Variants in UGGT1 observed in about 807,000 individuals in gnomAD.
The protein encoded by UGGT1 is UDP-glucose:glycoprotein glucosyltransferase 1.
Under a neutral mutation model 203.9 loss-of-function variants are expected in UGGT1, and 107 were observed. The observed-to-expected ratio is 0.52, with a 90% CI of 0.45 to 0.62. The LOEUF is 0.62. UGGT1 is among the 20% of genes least tolerant of loss of function. UGGT1 has a pLI of 0.00. For synonymous variants in UGGT1, 628 were observed against 653.5 expected (o/e 0.96, Z 0.59); for missense variants, 1,673 against 1,867.2 (o/e 0.90, Z 1.92).
chr2:128,117,341 C>T (rs1194796339), intron 8 of UGGT1, among the ~76,000 whole-genome samples: 6 of 152,168 alleles, frequency 3.9e-5, no homozygotes, highest in Non-Finnish European at 5.9e-5. Flanking sequence ...CTGCCTGCTT[C>T]GCTCTCCCAG....
At position 128,134,971 on chromosome 2, in the gene UGGT1, G is replaced by A; in HGVS notation, c.1583+10G>A. ...ATCATATACCACTAAGGTAACACTGGTATTGATTTGATGATGTATCTAATT... is the reference window on the plus strand; with the variant it reads ...ATCATATACCACTAAGGTAACACTGATATTGATTTGATGATGTATCTAATT... On this transcript the variant is annotated intron_variant, in intron 15 of 40. Coordinates refer to ENST00000259253, the MANE Select transcript of UGGT1 (RefSeq NM_020120.4). The A allele has an allele frequency of 6.2e-7, 1 of 1,604,208 alleles. No individual in the cohort carries two copies. The highest frequency in any genetic ancestry group is 8.5e-7 in the Non-Finnish European group (1 of 1,171,580).
intron 3 of UGGT1, among the ~76,000 whole-genome samples, chr2:128,106,814 T>C (rs1687626362): frequency 6.6e-6 from 1 of 152,108 alleles, no homozygotes; most frequent in Non-Finnish European, 1.5e-5. Flanking sequence ...CCTTCCAAAG[T>C]GCTGGGATTA....
At chr2:128,099,708 C>A (rs2105337501) in intron 2 of UGGT1, among the ~76,000 whole-genome samples, 1 of 152,258 alleles carries the variant, frequency 6.6e-6, no homozygotes, top group East Asian at 1.9e-4. Flanking sequence ...AAAACAAAGA[C>A]AAAACCATTG....
rs1051671049 is a variant in UGGT1 at position 128,091,326 on chromosome 2, T to G, written c.-32T>G. 1.9e-6 allele frequency: 3 copies of G among 1,544,988 alleles called. No individual in the cohort carries two copies. In the Admixed American group the frequency reaches 5.9e-5, roughly 30 times the overall value. ...CCCCGCCCTGCCCTGGCGTTGTCTC[T>G]GGCACTGTGGCGGACTGACCACGGC... On this transcript the variant is annotated 5_prime_UTR_variant, in exon 1 of 41. Coordinates refer to ENST00000259253, the MANE Select transcript of UGGT1 (RefSeq NM_020120.4).
At chr2:128,168,342 T>C (rs1251869301) in intron 26 of UGGT1, among the ~76,000 whole-genome samples, 1 of 152,208 alleles carries the variant, frequency 6.6e-6, no homozygotes, top group East Asian at 1.9e-4. Flanking sequence ...TTGTTAATAA[T>C]GCCAGAGATC....
At chr2:128,159,451 A>G in intron 22 of UGGT1, 63 bp from the exon 23 acceptor site, 1 of 1,442,522 alleles carries the variant, frequency 6.9e-7, no homozygotes, top group Non-Finnish European at 9.7e-7. Flanking sequence ...GACTGATGTT[A>G]ATGCTGCTTT....
chr2:128,104,072 AT>A, intron 3 of UGGT1, 58 bp downstream of exon 3: 1 of 1,395,434 alleles, frequency 7.2e-7, no homozygotes, highest in Non-Finnish European at 9.8e-7. Context: ...TTAGGAAAAA[AT>A]TGTCTCTTTA....
intron 2 of UGGT1, among the ~76,000 whole-genome samples, chr2:128,102,410 C>T (rs1447600281): frequency 6.6e-6 from 1 of 152,138 alleles, no homozygotes; most frequent in South Asian, 2.1e-4. Context: ...TCCCAAAGTG[C>T]TGGGATTACA....
chr2:128,136,679 T>C (rs556613390), intron 15 of UGGT1, among the ~76,000 whole-genome samples: 1 of 152,356 alleles, frequency 6.6e-6, no homozygotes, highest in South Asian at 2.1e-4. Flanking sequence ...AACATCTGGG[T>C]GCAGGTATTT....
At chr2:128,143,028 G>T in intron 16 of UGGT1, 66 bp from the exon 17 acceptor site, 1 of 1,387,960 alleles carries the variant, frequency 7.2e-7, no homozygotes, top group Non-Finnish European at 9.6e-7. Flanking sequence ...TCAGAAAAAT[G>T]TGGAATAAAC....
intron 2 of UGGT1, among the ~76,000 whole-genome samples, chr2:128,098,782 C>T (rs1004575938): frequency 6.6e-6 from 1 of 150,814 alleles, no homozygotes. Flanking sequence ...AGTTATCTTA[C>T]GATTAAAATG....
intron 9 of UGGT1, among the ~76,000 whole-genome samples, chr2:128,120,958 G>T (rs1476260165): frequency 6.0e-4 from 2 of 3,322 alleles, no homozygotes; most frequent in African/African-American, 7.4e-4. Context: ...ATGCGTTAGT[G>T]TAGCGTTAGT....
At chr2:128,145,597 C>A in intron 17 of UGGT1, 1 of 509,506 alleles carries the variant, frequency 2.0e-6, no homozygotes, top group Non-Finnish European at 3.3e-6. Flanking sequence ...AACTTGAACT[C>A]AGTAATTCAA....
intron 16 of UGGT1, among the ~76,000 whole-genome samples, chr2:128,142,619 C>T (rs569179646): frequency 1.3e-5 from 2 of 149,214 alleles, no homozygotes; most frequent in African/African-American, 4.9e-5. Flanking sequence ...TAATTTCCAA[C>T]CTAGGAAGCC....
chr2:128,171,056 TAG>T, intron 27 of UGGT1, 147 bp from the exon 28 acceptor site: 1 of 691,488 alleles, frequency 1.4e-6, no homozygotes, highest in Non-Finnish European at 2.4e-6. Context: ...GATTGTGCAG[TAG>T]AGTTGTGATT....
At position 128,178,596 on chromosome 2, in the gene UGGT1, A is replaced by G. The variant is rs201991319; in HGVS notation, c.3815+27A>G. 210 of 1,551,716 alleles carry G rather than the reference A, an allele frequency of 1.4e-4. No homozygotes were observed. The African/African-American group carries it at 2.9e-3, about 21-fold the overall frequency. ...TCAGTCTTGTTGATTATTTCATTAT[A>G]TATGATGAATGAATTGGTCAGTGTT... On this transcript the variant is annotated intron_variant, in intron 34 of 40. Coordinates refer to ENST00000259253, the MANE Select transcript of UGGT1 (RefSeq NM_020120.4).
At chr2:128,146,436 C>G (rs1689693510) in intron 18 of UGGT1, among the ~76,000 whole-genome samples, 1 of 152,062 alleles carries the variant, frequency 6.6e-6, no homozygotes, top group Admixed American at 6.6e-5. Flanking sequence ...ATTTAAATAA[C>G]TAGTATTATT....
At chr2:128,116,852 A>G (rs1688126628) in intron 8 of UGGT1, among the ~76,000 whole-genome samples, 2 of 152,184 alleles carry the variant, frequency 1.3e-5, no homozygotes, top group Non-Finnish European at 1.5e-5. Flanking sequence ...AATTGATAGT[A>G]TGGCTACCTG....
intron 16 of UGGT1, chr2:128,140,051 T>C (rs552582892): frequency 6.5e-6 from 1 of 153,458 alleles, no homozygotes; most frequent in South Asian, 2.0e-4. Flanking sequence ...TGAGTGGTAA[T>C]AGGATTCCTT....
Sources: gnomAD v4.1 joint callset for allele counts (sites outside exome capture counted in the v4.1 genomes callset) on GRCh38, gnomAD v4.1.1 for gene constraint, MANE v1.5 for transcripts, NCBI Gene and HGNC (gene_info 2026-07-23, HGNC 2026-07-21) for gene names.